STPG2: variants seen among roughly 807,000 people sequenced by gnomAD.
STPG2 encodes the protein sperm-tail PG-rich repeat-containing protein 2.
STPG2 carries 56 observed loss-of-function variants against 54.2 expected under a neutral mutation model. The ratio of observed to expected loss-of-function variants is 1.03; its 90% CI spans 0.83 to 1.29. STPG2 has a LOEUF of 1.29. STPG2 is among the 50% of genes most tolerant of loss of function. STPG2 has a pLI of 0.00. For synonymous variants in STPG2, 200 were observed against 181.8 expected (o/e 1.10, Z -0.81); for missense variants, 596 against 544.9 (o/e 1.09, Z -0.93).
At chr4:97,896,490 G>A (rs1730957549) in intron 8 of STPG2, among the ~76,000 whole-genome samples, 1 of 151,674 alleles carries the variant, frequency 6.6e-6, no homozygotes, top group African/African-American at 2.4e-5. Context: ...ACATAAGTAG[G>A]TAAGGATGAC....
intron 10 of STPG2, among the ~76,000 whole-genome samples, chr4:97,611,931 A>C (rs1733739795): frequency 6.6e-6 from 1 of 151,912 alleles, no homozygotes; most frequent in African/African-American, 2.4e-5. Context: ...TAGAAGAAGC[A>C]CTCACAGAGA....
chr4:98,035,502 T>A (rs982996714), intron 5 of STPG2, among the ~76,000 whole-genome samples: 1 of 152,190 alleles, frequency 6.6e-6, no homozygotes, highest in East Asian at 1.9e-4. Context: ...TTGGTGGGAA[T>A]GTAAATGAGT....
intron 4 of STPG2, among the ~76,000 whole-genome samples, chr4:97,477,500 T>C (rs1332664589): frequency 1.4e-5 from 2 of 145,778 alleles, no homozygotes; most frequent in African/African-American, 5.1e-5. Flanking sequence ...TTTTTGAGAC[T>C]GACTCTCGCT....
chr4:97,795,846 T>A (rs1727155753), intron 9 of STPG2, among the ~76,000 whole-genome samples: 1 of 152,160 alleles, frequency 6.6e-6, no homozygotes, highest in African/African-American at 2.4e-5. Context: ...TTTCTCCACA[T>A]CCTTTCCAGC....
chr4:98,024,192 C>T (rs1250902427), intron 5 of STPG2, among the ~76,000 whole-genome samples: 1 of 152,146 alleles, frequency 6.6e-6, no homozygotes, highest in African/African-American at 2.4e-5. Context: ...AACTTCTTTC[C>T]TTTATAAATT....
intron 10 of STPG2, among the ~76,000 whole-genome samples, chr4:97,565,877 G>A (rs1732419657): frequency 6.6e-6 from 1 of 151,698 alleles, no homozygotes; most frequent in Non-Finnish European, 1.5e-5. Context: ...CTGCTCAGAG[G>A]TCAGGGATCA....
intron 10 of STPG2, among the ~76,000 whole-genome samples, chr4:97,572,138 T>G (rs1013378969): frequency 6.6e-6 from 1 of 152,184 alleles, no homozygotes; most frequent in African/African-American, 2.4e-5. Context: ...TTGCATGCAC[T>G]TGCTTGTTTA....
At chr4:97,532,844 A>G (rs547230830) in intron 4 of STPG2, among the ~76,000 whole-genome samples, 13 of 152,282 alleles carry the variant, frequency 8.5e-5, no homozygotes, top group African/African-American at 2.9e-4. Context: ...GACACAGTTC[A>G]ACAATGGTTG....
intron 9 of STPG2, among the ~76,000 whole-genome samples, chr4:97,828,220 G>C (rs903774335): frequency 6.6e-6 from 1 of 152,122 alleles, no homozygotes; most frequent in Non-Finnish European, 1.5e-5. Context: ...GTGGACAGTG[G>C]GTGCAGCCCA....
At chr4:97,463,638 T>C (rs909678135) in intron 4 of STPG2, 11 of 152,120 alleles carry the variant, frequency 7.2e-5, no homozygotes, top group African/African-American at 2.7e-4. Context: ...TCAGTAAAGA[T>C]GGAGTTTCAC....
At chr4:98,022,861 A>G (rs1736270107) in intron 5 of STPG2, among the ~76,000 whole-genome samples, 2 of 152,126 alleles carry the variant, frequency 1.3e-5, no homozygotes, top group African/African-American at 2.4e-5. Flanking sequence ...GTTGGCTTTC[A>G]GCTCCATCAG....
chr4:97,958,432 A>C (rs563437716), intron 7 of STPG2, among the ~76,000 whole-genome samples: 1 of 152,234 alleles, frequency 6.6e-6, no homozygotes, highest in African/African-American at 2.4e-5. Flanking sequence ...GCTCCATTTA[A>C]AAAATACAGA....
chr4:98,009,187 C>G, intron 5 of STPG2, among the ~76,000 whole-genome samples: 1 of 151,606 alleles, frequency 6.6e-6, no homozygotes, highest in Non-Finnish European at 1.5e-5. Context: ...TTGTTTATTT[C>G]AGATCATTCT....
chr4:97,691,944 A>G (rs1723378752), intron 10 of STPG2, among the ~76,000 whole-genome samples: 1 of 152,068 alleles, frequency 6.6e-6, no homozygotes, highest in South Asian at 2.1e-4. Flanking sequence ...AAGAGAAATA[A>G]CATGCTCTCA....
chr4:98,069,968 C>T (rs1449445231), intron 5 of STPG2, among the ~76,000 whole-genome samples: 1 of 151,960 alleles, frequency 6.6e-6, no homozygotes. Flanking sequence ...CAAAAAAGAG[C>T]TAGTACCATT....
intron 5 of STPG2, among the ~76,000 whole-genome samples, chr4:98,067,527 T>G (rs1737871279): frequency 6.6e-6 from 1 of 152,208 alleles, no homozygotes; most frequent in Non-Finnish European, 1.5e-5. Context: ...TAAGTTAATG[T>G]CTTAACAGGC....
Position 97,835,452 on chromosome 4 carries a change from C to G in STPG2, c.1204+5321G>C, listed in dbSNP as rs1427836751. On this transcript the variant is annotated intron_variant, in intron 9 of 10. Transcript: ENST00000295268. ...TCTATGGAGTAGCCATTCTTTATTC[C>G]TTTATTTTCTTAATAAACTTGCTTT... 2.0e-5 allele frequency among the ~76,000 whole-genome samples: 3 copies of G among 152,046 alleles called. No individual in the cohort carries two copies. In the East Asian group the frequency reaches 5.8e-4, roughly 29 times the overall value.
intron 8 of STPG2, among the ~76,000 whole-genome samples, chr4:97,858,768 G>T (rs540665128): frequency 2.0e-5 from 3 of 152,018 alleles, no homozygotes; most frequent in African/African-American, 7.2e-5. Flanking sequence ...CATGGTGTAC[G>T]TATACCACAT....
At chr4:97,624,253 C>T (rs1734084617) in intron 10 of STPG2, among the ~76,000 whole-genome samples, 1 of 152,136 alleles carries the variant, frequency 6.6e-6, no homozygotes, top group Admixed American at 6.6e-5. Flanking sequence ...TACATTCACA[C>T]CCACAATGTG....
Sources: gnomAD v4.1 joint callset for allele counts (sites outside exome capture counted in the v4.1 genomes callset) on GRCh38, gnomAD v4.1.1 for gene constraint, MANE v1.5 for transcripts, NCBI Gene and HGNC (gene_info 2026-07-23, HGNC 2026-07-21) for gene names.